Variants in HOGA1 observed in about 807,000 individuals in gnomAD.
The protein encoded by HOGA1 is 4-hydroxy-2-oxoglutarate aldolase 1.
HOGA1 carries 30 observed loss-of-function variants against 34.3 expected under a neutral mutation model. The observed-to-expected ratio is 0.87, with a 90% CI of 0.65 to 1.19. HOGA1 has a LOEUF of 1.19. Among genes scored for constraint, HOGA1 ranks in the 50% most tolerant of loss-of-function variants. HOGA1 has a pLI of 0.00. For synonymous variants in HOGA1, 161 were observed against 174.0 expected (o/e 0.93, Z 0.59); for missense variants, 417 against 436.5 (o/e 0.96, Z 0.40).
chr10:97,604,580 C>T (rs1336017213), intron 6 of HOGA1, among the ~76,000 whole-genome samples: 1 of 152,100 alleles, frequency 6.6e-6, no homozygotes, highest in Non-Finnish European at 1.5e-5. Context: ...CTCAGCCTCC[C>T]AAAGTGCTGG....
intron 1 of HOGA1, among the ~76,000 whole-genome samples, chr10:97,586,023 G>A (rs1264930058): frequency 6.6e-6 from 1 of 151,968 alleles, no homozygotes; most frequent in African/African-American, 2.4e-5. Context: ...TGTAATCCCA[G>A]CTACTCGGGA....
intron 1 of HOGA1, among the ~76,000 whole-genome samples, chr10:97,595,997 A>G (rs2041068283): frequency 1.3e-5 from 2 of 152,174 alleles, no homozygotes; most frequent in South Asian, 4.1e-4. Context: ...CTTATCCTTT[A>G]AAACAGTCCT....
rs769361123 is a variant in HOGA1 at position 97,600,130 on chromosome 10, T to TCGG, written c.669_671dup (p.Ala224dup). 2 of 1,614,168 alleles carry TCGG rather than the reference T, an allele frequency of 1.2e-6. No individual in the cohort carries two copies. The highest frequency in any genetic ancestry group is 3.3e-5 in the Admixed American group (2 of 60,016). On this transcript the variant is annotated inframe_insertion, in exon 5 of 7. Transcript: ENST00000370646. The stretch of plus-strand genomic sequence containing the variant: ...GCAGGATTTTCAGGTGTTGGCTGGA[T>TCGG]CGGCTGGCTTTCTGATGGCCAGCTA...
At chr10:97,589,788 T>C in intron 1 of HOGA1, 1 of 798,790 alleles carries the variant, frequency 1.3e-6, no homozygotes, top group Non-Finnish European at 2.1e-6. Flanking sequence ...AGCGTGCTCT[T>C]AGCTCTGCCT....
At chr10:97,604,051 C>T (rs1203973529) in intron 6 of HOGA1, among the ~76,000 whole-genome samples, 3 of 152,216 alleles carry the variant, frequency 2.0e-5, no homozygotes, top group Non-Finnish European at 4.4e-5. Context: ...AAGGATCCCT[C>T]ATGTCATCCT....
At chr10:97,609,844 G>C (rs2135728778) in intron 6 of HOGA1, among the ~76,000 whole-genome samples, 1 of 152,262 alleles carries the variant, frequency 6.6e-6, no homozygotes, top group Admixed American at 6.5e-5. Context: ...AACATCATGG[G>C]GGTGGCGAGG....
intron 1 of HOGA1, among the ~76,000 whole-genome samples, chr10:97,586,238 G>A (rs2040970466): frequency 6.6e-6 from 1 of 152,178 alleles, no homozygotes; most frequent in South Asian, 2.1e-4. Flanking sequence ...TCATATTATG[G>A]GATGGTTGGA....
intron 6 of HOGA1, among the ~76,000 whole-genome samples, chr10:97,607,684 T>C (rs922932661): frequency 3.9e-5 from 6 of 152,144 alleles, no homozygotes; most frequent in Non-Finnish European, 5.9e-5. Context: ...TTTTATATAA[T>C]GTCCAGATAA....
chr10:97,601,390 T>A (rs1296956074), intron 5 of HOGA1, among the ~76,000 whole-genome samples: 3 of 152,174 alleles, frequency 2.0e-5, no homozygotes, highest in Non-Finnish European at 2.9e-5. Flanking sequence ...GACCTGACTC[T>A]GTCCAGAGTG....
chr10:97,598,441 C>T (rs937065809), intron 1 of HOGA1, among the ~76,000 whole-genome samples: 1 of 152,196 alleles, frequency 6.6e-6, no homozygotes, highest in African/African-American at 2.4e-5. Context: ...ATTAAACAAA[C>T]AGCAAACTGC....
At chr10:97,584,942 TG>T (rs756707266) in intron 1 of HOGA1, 28 bp downstream of exon 1, 1 of 1,594,714 alleles carries the variant, frequency 6.3e-7, no homozygotes. Flanking sequence ...CTGTGGGACC[TG>T]GGGAGATGTG....
Position 97,599,164 on chromosome 10 carries a change from G to T in HOGA1, c.416G>T (p.Cys139Phe). The change falls in exon 3 of 7, where the codon TGC (cysteine) becomes TTC (phenylalanine). Residue 139 changes from cysteine (C) to phenylalanine (F), a missense_variant. Physicochemically the swap from Cys to Phe is radical, Grantham distance 205 (BLOSUM62 -2). Coordinates refer to ENST00000370646, the MANE Select transcript of HOGA1 (RefSeq NM_138413.4). ...GADAAMVVTP[C>F]YYRGRMSSAA... is the part of the protein sequence containing the mutation. The stretch of plus-strand genomic sequence containing the variant: ...GACGCGGCCATGGTGGTGACCCCTT[G>T]CTACTATCGTGGCCGCATGAGCAGT... 6.2e-7 allele frequency: 1 copy of T among 1,613,958 alleles called. No individual in the cohort carries two copies. The highest frequency in any genetic ancestry group is 8.5e-7 in the Non-Finnish European group (1 of 1,180,048).
chr10:97,594,671 A>G (rs1004791503), intron 1 of HOGA1, among the ~76,000 whole-genome samples: 2 of 151,852 alleles, frequency 1.3e-5, no homozygotes, highest in African/African-American at 4.8e-5. Context: ...ATTTTTTTTT[A>G]GTAGAGACAG....
chr10:97,588,199 C>CTT (rs1221596544), intron 1 of HOGA1, among the ~76,000 whole-genome samples: 15 of 97,322 alleles, frequency 1.5e-4, no homozygotes, highest in African/African-American at 3.7e-4. Context: ...TTTTTTCTTT[C>CTT]TTTTTTTTTT....
intron 1 of HOGA1, among the ~76,000 whole-genome samples, chr10:97,587,225 A>G (rs565695350): frequency 2.0e-5 from 3 of 152,270 alleles, no homozygotes; most frequent in South Asian, 2.1e-4. Context: ...TTGCAGCCCA[A>G]CACTCAGGCT....
chr10:97,590,761 G>C, intron 1 of HOGA1: 1 of 628,438 alleles, frequency 1.6e-6, no homozygotes, highest in East Asian at 2.8e-5. Context: ...CCATGAGTGG[G>C]GTCTGCCACA....
chr10:97,590,402 A>G lies in HOGA1; in HGVS notation c.211+5488A>G, dbSNP rs766696367. The G allele has an allele frequency of 6.2e-6, 10 of 1,614,106 alleles. No individual in the cohort carries two copies. The South Asian group carries it at 6.6e-5, about 11-fold the overall frequency. Reference sequence around the variant, plus strand: ...CAAGGACATCAACCAGGAGGAGCTGAGGGCCCTCGAGGAGGTAGAGATGAA... The same window carrying G: ...CAAGGACATCAACCAGGAGGAGCTGGGGGCCCTCGAGGAGGTAGAGATGAA... On this transcript the variant is annotated intron_variant, in intron 1 of 6. Coordinates refer to ENST00000370646, the MANE Select transcript of HOGA1 (RefSeq NM_138413.4).
chr10:97,590,747 A>C, intron 1 of HOGA1: 1 of 645,780 alleles, frequency 1.5e-6, no homozygotes, highest in Non-Finnish European at 2.7e-6. Context: ...GGGCTCTTTA[A>C]ACTCCATGAG....
chr10:97,601,011 C>T, intron 5 of HOGA1: 1 of 152,264 alleles, frequency 6.6e-6, no homozygotes. Flanking sequence ...GCAGTTTATT[C>T]ACTGAGTAAT....
Sources: allele counts gnomAD v4.1 joint callset (sites outside exome capture counted in the v4.1 genomes callset), GRCh38; gene constraint gnomAD v4.1.1; transcripts MANE v1.5; gene names NCBI Gene and HGNC (gene_info 2026-07-23, HGNC 2026-07-21).